Variants in DAGLA observed in about 807,000 individuals in gnomAD.
DAGLA encodes diacylglycerol lipase alpha.
Under a neutral mutation model 102.6 loss-of-function variants are expected in DAGLA, and 22 were observed. The observed-to-expected ratio is 0.21, with a 90% confidence interval of 0.15 to 0.31. DAGLA has a LOEUF of 0.31. DAGLA is among the 10% of genes least tolerant of loss of function. The probability of loss-of-function intolerance (pLI) is 1.00; values close to 1 mark genes in which losing one functional copy is unlikely to be tolerated. For missense variants in DAGLA, 927 were observed against 1,446.6 expected (o/e 0.64, Z 5.83); for synonymous variants, 578 against 628.9 (o/e 0.92, Z 1.21).
chr11:61,729,486 G>T (rs542280346), intron 8 of DAGLA, among the ~76,000 whole-genome samples: 13 of 151,950 alleles, frequency 8.6e-5, no homozygotes, highest in Admixed American at 4.6e-4. Flanking sequence ...CCAGGGCCCA[G>T]TACAGCCCAG....
chr11:61,738,100 G>T, intron 15 of DAGLA, 35 bp from the exon 16 acceptor site: 1 of 1,583,632 alleles, frequency 6.3e-7, no homozygotes, highest in East Asian at 2.2e-5. Context: ...CGCTGACCAG[G>T]CCTGGCTGAC....
intron 4 of DAGLA, 152 bp downstream of exon 4, chr11:61,723,112 C>T: frequency 4.2e-6 from 3 of 706,532 alleles, no homozygotes; most frequent in South Asian, 1.8e-5. Context: ...GCTTCCCTCA[C>T]CCTTGAGGCC....
At chr11:61,689,566 G>A (rs1591023390) in intron 1 of DAGLA, among the ~76,000 whole-genome samples, 1 of 95,722 alleles carries the variant, frequency 1.0e-5, no homozygotes. Context: ...GTGCAGTGGT[G>A]TGATCTGGGC....
intron 1 of DAGLA, among the ~76,000 whole-genome samples, chr11:61,700,613 G>T (rs2065102433): frequency 6.6e-6 from 1 of 152,188 alleles, no homozygotes; most frequent in Admixed American, 6.5e-5. Flanking sequence ...GATGGATCTG[G>T]CATCCTAGGG....
At chr11:61,694,167 T>G (rs1357471814) in intron 1 of DAGLA, among the ~76,000 whole-genome samples, 1 of 152,238 alleles carries the variant, frequency 6.6e-6, no homozygotes, top group Non-Finnish European at 1.5e-5. Context: ...TCTGTAGGAT[T>G]CGGGGAATCA....
intron 1 of DAGLA, among the ~76,000 whole-genome samples, chr11:61,715,627 C>T (rs2065230318): frequency 6.6e-6 from 1 of 152,240 alleles, no homozygotes. Context: ...CCGGAGCACT[C>T]ATGGTGGGGG....
At chr11:61,725,932 TG>T in intron 5 of DAGLA, 62 bp from the exon 6 acceptor site, 1 of 1,469,420 alleles carries the variant, frequency 6.8e-7, no homozygotes, top group Non-Finnish European at 9.5e-7. Context: ...CCATAACGTC[TG>T]GGTCCCAGCT....
Position 61,743,570 on chromosome 11 carries a change from C to A in DAGLA, c.2210C>A (p.Ser737Ter). 1 of 1,548,970 alleles carries A rather than the reference C, an allele frequency of 6.5e-7. No homozygotes were observed. The highest frequency in any genetic ancestry group is 8.7e-7 in the Non-Finnish European group (1 of 1,154,184). Residue 737 changes from serine (S) to a stop codon, truncating the protein, a stop_gained, in exon 20 of 20, where the codon TCG becomes TAG. Coordinates refer to ENST00000257215, the MANE Select transcript of DAGLA (RefSeq NM_006133.3). LOFTEE classifies it high-confidence loss of function. ...SQSEMSLEGF[S>*]EGRLLSPVVA... is the part of the protein sequence containing the mutation. Reference sequence around the variant, plus strand: ...TCTGAGATGAGCCTGGAGGGCTTCTCGGAGGGGCGGCTGCTGTCGCCAGTG... The same window carrying A: ...TCTGAGATGAGCCTGGAGGGCTTCTAGGAGGGGCGGCTGCTGTCGCCAGTG...
At position 61,746,429 on chromosome 11, in the gene DAGLA, C is replaced by T. The variant is rs2065539487; in HGVS notation, c.*1940C>T. On this transcript the variant is annotated 3_prime_UTR_variant, in exon 20 of 20. Transcript: ENST00000257215. ...GTCTGGCCTTTTAATTCCTCCTCTGCCAGGGTGGGTCCTGGGACCTCTAAT... is the reference window on the plus strand; with the variant it reads ...GTCTGGCCTTTTAATTCCTCCTCTGTCAGGGTGGGTCCTGGGACCTCTAAT... 1 of 152,524 alleles carries T rather than the reference C, an allele frequency of 6.6e-6. No homozygotes were observed. The highest frequency in any genetic ancestry group is 1.5e-5 in the Non-Finnish European group (1 of 68,046). The allele number at this position is 152,524 out of a possible 1,614,324, so 9.4% of individuals were successfully genotyped here.
intron 13 of DAGLA, among the ~76,000 whole-genome samples, chr11:61,736,949 C>T (rs1278380640): frequency 6.6e-6 from 1 of 152,250 alleles, no homozygotes; most frequent in East Asian, 1.9e-4. Flanking sequence ...TCCCCAAGGA[C>T]ATAACCTCTG....
chr11:61,718,722 G>A (rs1311061628), intron 1 of DAGLA, among the ~76,000 whole-genome samples: 4 of 152,130 alleles, frequency 2.6e-5, no homozygotes, highest in South Asian at 2.1e-4. Flanking sequence ...ACTTCCTGAG[G>A]GTGGGGGGAG....
At chr11:61,736,397 C>T (rs764986539) in intron 13 of DAGLA, 47 bp downstream of exon 13, 3 of 1,470,608 alleles carry the variant, frequency 2.0e-6, no homozygotes, top group Non-Finnish European at 1.9e-6. Context: ...CTGGGTCCCC[C>T]TCCTCCAACG....
At chr11:61,733,045 C>T (rs1158400147) in intron 9 of DAGLA, among the ~76,000 whole-genome samples, 1 of 152,218 alleles carries the variant, frequency 6.6e-6, no homozygotes, top group Non-Finnish European at 1.5e-5. Flanking sequence ...CGAGGAGCCA[C>T]TCGTTATTAA....
At chr11:61,739,429 G>T in intron 16 of DAGLA, 36 bp from the exon 17 acceptor site, 1 of 1,592,118 alleles carries the variant, frequency 6.3e-7, no homozygotes. Flanking sequence ...GTGCTACTTA[G>T]CTCTGTCCCC....
chr11:61,695,331 C>T (rs1056097489), intron 1 of DAGLA, among the ~76,000 whole-genome samples: 2 of 152,214 alleles, frequency 1.3e-5, no homozygotes, highest in African/African-American at 4.8e-5. Flanking sequence ...GCATCAGTGT[C>T]GGAGCTCTGT....
intron 1 of DAGLA, among the ~76,000 whole-genome samples, chr11:61,697,053 C>T (rs17827816): frequency 0.39 from 59,298 of 151,984 alleles, 11,759 homozygotes; most frequent in East Asian, 0.47. Context: ...GGGCACAGGG[C>T]GACATTCAGG....
intron 1 of DAGLA, among the ~76,000 whole-genome samples, chr11:61,714,284 C>T (rs1480009669): frequency 1.3e-5 from 2 of 152,192 alleles, no homozygotes; most frequent in Non-Finnish European, 2.9e-5. Context: ...TCCCCATCAC[C>T]AGCCCCCAGA....
Position 61,744,414 on chromosome 11 carries a change from G to A in DAGLA, c.3054G>A (p.Lys1018=). ...GCCAGGAATGCCTGGCGGCTGACAA[G>A]ATCCGGACTTCTACCCCCACTGGCC... ...LSSQECLAAD[K]IRTSTPTGHG... Residue 1018 remains lysine, a synonymous_variant, in exon 20 of 20, where the codon AAG becomes AAA. Transcript: ENST00000257215. 6.2e-7 allele frequency: 1 copy of A among 1,609,686 alleles called. No homozygotes were observed. The highest frequency in any genetic ancestry group is 8.5e-7 in the Non-Finnish European group (1 of 1,177,760).
intron 6 of DAGLA, among the ~76,000 whole-genome samples, chr11:61,726,542 G>A (rs1259672806): frequency 6.6e-6 from 1 of 152,248 alleles, no homozygotes; most frequent in East Asian, 1.9e-4. Flanking sequence ...CCAGGGCACT[G>A]CAGAAGGAAG....
Sources: gnomAD v4.1 joint callset for allele counts (sites outside exome capture counted in the v4.1 genomes callset) on GRCh38, gnomAD v4.1.1 for gene constraint, MANE v1.5 for transcripts, NCBI Gene and HGNC (gene_info 2026-07-23, HGNC 2026-07-21) for gene names.